Variants in NDEL1 observed in about 807,000 individuals in gnomAD.
The protein encoded by NDEL1 is nudE neurodevelopment protein 1 like 1.
In NDEL1, 9 loss-of-function variants were observed where a neutral mutation model predicts 45.7. The observed-to-expected ratio is 0.20, with a 90% CI of 0.12 to 0.34. NDEL1 has a LOEUF of 0.34. Ranked by LOEUF, NDEL1 falls within the 10% of genes least tolerant of loss-of-function variation. NDEL1 has a pLI of 1.00. For missense variants in NDEL1, 306 were observed against 406.2 expected (o/e 0.75, Z 2.12); for synonymous variants, 133 against 158.6 (o/e 0.84, Z 1.21).
Position 8,460,121 on chromosome 17 carries a change from A to C in NDEL1, c.905A>C (p.Lys302Thr). Residue 302 changes from lysine to threonine, a missense_variant, in exon 8 of 9, where the codon AAG (lysine) becomes ACG (threonine). Coordinates refer to ENST00000334527, the MANE Select transcript of NDEL1 (RefSeq NM_030808.5). ...GGGGTGCTGAATGGCAATGGCACAA[A>C]GTTCTCTCGATCAGGGCATACATCT... ...NCGVLNGNGTKFSRSGHTSFF... is the reference protein window; with the variant it reads ...NCGVLNGNGTTFSRSGHTSFF... 12 of 1,614,172 alleles carry C rather than the reference A, an allele frequency of 7.4e-6. No homozygotes were observed. The highest frequency in any genetic ancestry group is 1.0e-5 in the Non-Finnish European group (12 of 1,180,036).
chr17:8,464,157 A>T (rs1196033467), intron 8 of NDEL1: 1 of 152,122 alleles, frequency 6.6e-6, no homozygotes, highest in Non-Finnish European at 1.5e-5. Context: ...TTTACAACTG[A>T]CCTTAGCACT....
downstream of NDEL1, among the ~76,000 whole-genome samples, chr17:8,472,350 C>G (rs1462716206): frequency 6.6e-6 from 1 of 152,162 alleles, no homozygotes; most frequent in Non-Finnish European, 1.5e-5. Context: ...CCCCTCAAGC[C>G]AGCAGGCTAG....
At chr17:8,455,325 T>C (rs571596592) in intron 7 of NDEL1, among the ~76,000 whole-genome samples, 4 of 152,350 alleles carry the variant, frequency 2.6e-5, no homozygotes, top group Admixed American at 2.6e-4. Context: ...CCTTATTTCC[T>C]TGGCCACCTC....
intron 1 of NDEL1, 109 bp from the exon 2 acceptor site, chr17:8,444,151 T>C (rs544481761): frequency 1.5e-6 from 1 of 676,578 alleles, no homozygotes; most frequent in African/African-American, 1.8e-5. Context: ...GAATCTCTCA[T>C]GTTTTATTCC....
At chr17:8,450,420 C>T (rs967766860) in intron 5 of NDEL1, among the ~76,000 whole-genome samples, 1 of 152,010 alleles carries the variant, frequency 6.6e-6, no homozygotes, top group African/African-American at 2.4e-5. Context: ...TACAAAAATG[C>T]ACTTAGTTGA....
intron 3 of NDEL1, 88 bp from the exon 4 acceptor site, chr17:8,446,666 T>C (rs202004963): frequency 1.3e-5 from 17 of 1,262,160 alleles, no homozygotes; most frequent in Middle Eastern, 2.6e-4. Flanking sequence ...TTCCTTGGGT[T>C]CCCCCCCACC....
At chr17:8,446,679 TTTAAC>T in intron 3 of NDEL1, 70 bp from the exon 4 acceptor site, 1 of 1,508,078 alleles carries the variant, frequency 6.6e-7, no homozygotes, top group Non-Finnish European at 9.0e-7. Flanking sequence ...CCCCCACCCT[TTTAAC>T]TTGAGTTACC....
At chr17:8,435,857 T>C (rs1424729192), upstream of NDEL1, 1 of 445,810 alleles carries the variant, frequency 2.2e-6, no homozygotes, top group Non-Finnish European at 4.5e-6. Context: ...CCCCCGTGCG[T>C]CACAGAATGG....
At chr17:8,445,423 A>G (rs1316022120) in intron 2 of NDEL1, among the ~76,000 whole-genome samples, 2 of 152,190 alleles carry the variant, frequency 1.3e-5, no homozygotes, top group Non-Finnish European at 2.9e-5. Context: ...GTAAAAATGC[A>G]TTTTTCTCGC....
chr17:8,442,702 T>C (rs553928840), intron 1 of NDEL1, among the ~76,000 whole-genome samples: 6 of 151,860 alleles, frequency 4.0e-5, no homozygotes, highest in Non-Finnish European at 8.8e-5. Context: ...TTTTTTTTTT[T>C]TTGCTAAACC....
At chr17:8,458,233 C>T (rs964222180) in intron 7 of NDEL1, among the ~76,000 whole-genome samples, 1 of 151,944 alleles carries the variant, frequency 6.6e-6, no homozygotes, top group African/African-American at 2.4e-5. Context: ...CTGCTCCCAA[C>T]TTTCTTTCCA....
At chr17:8,418,723 CTT>C (rs1455812313) in intron 1 of NDEL1, among the ~76,000 whole-genome samples, 1 of 149,876 alleles carries the variant, frequency 6.7e-6, no homozygotes, top group African/African-American at 2.5e-5. Flanking sequence ...CTCTCTCTCT[CTT>C]TCCTTCCTTC....
chr17:8,448,120 G>T (rs985799846), intron 4 of NDEL1, among the ~76,000 whole-genome samples: 1 of 152,158 alleles, frequency 6.6e-6, no homozygotes, highest in Non-Finnish European at 1.5e-5. Flanking sequence ...GGAAAGTTCC[G>T]GTTTTCCTTT....
chr17:8,465,580 T>C lies in NDEL1; in HGVS notation c.945-1350T>C, dbSNP rs1368762636. ...CTGCATGCCTGTTTGTCTGTGAGGT[T>C]ATCCTCACCCCGTCAGTGTACGAAA... On this transcript the variant is annotated intron_variant, in intron 8 of 8. Coordinates refer to ENST00000334527, the MANE Select transcript of NDEL1 (RefSeq NM_030808.5). This position sits in a 1 kb window ranked among gnomAD's most constrained non-coding sequence, Gnocchi z 4.9. The C allele has an allele frequency of 6.6e-6, 1 of 152,180 alleles. No homozygotes were observed. Among genetic ancestry groups the C allele is most frequent in the Non-Finnish European group, 1.5e-5 (1 of 68,032 alleles). 9.4% of individuals were successfully genotyped at this position (152,180 alleles called of 1,614,324 possible). A position where few individuals can be genotyped will look rare whatever the true frequency, so the allele number is the denominator to read the frequency against.
At chr17:8,428,879 T>G (rs568474120) in intron 1 of NDEL1, among the ~76,000 whole-genome samples, 7 of 151,738 alleles carry the variant, frequency 4.6e-5, no homozygotes, top group Admixed American at 2.0e-4. Context: ...TTCACCGTGT[T>G]AGCCAAGATG....
At chr17:8,428,903 G>A (rs1179619387) in intron 1 of NDEL1, among the ~76,000 whole-genome samples, 1 of 152,048 alleles carries the variant, frequency 6.6e-6, no homozygotes, top group African/African-American at 2.4e-5. Flanking sequence ...TCGATCTCCT[G>A]ACCTTGTGAT....
intron 1 of NDEL1, among the ~76,000 whole-genome samples, chr17:8,442,259 T>C (rs997109250): frequency 3.3e-5 from 5 of 152,210 alleles, no homozygotes; most frequent in South Asian, 2.1e-4. Context: ...TTTTCTAATA[T>C]TGATTTAATA....
At chr17:8,460,288 A>G (rs927458622) in intron 8 of NDEL1, 128 bp downstream of exon 8, 3 of 1,005,956 alleles carry the variant, frequency 3.0e-6, no homozygotes, top group Admixed American at 2.8e-5. Flanking sequence ...TTATCATTCT[A>G]ATCTTAGGTG....
intron 1 of NDEL1, among the ~76,000 whole-genome samples, chr17:8,429,579 G>C (rs1280790955): frequency 6.6e-6 from 1 of 152,148 alleles, no homozygotes; most frequent in Non-Finnish European, 1.5e-5. Context: ...CTAGGCAGCA[G>C]CTGCAGTGTA....
Sources: gnomAD v4.1 joint callset for allele counts (sites outside exome capture counted in the v4.1 genomes callset) on GRCh38, gnomAD v4.1.1 for gene constraint, Gnocchi (gnomAD v3.1) non-coding constraint, MANE v1.5 for transcripts, NCBI Gene and HGNC (gene_info 2026-07-23, HGNC 2026-07-21) for gene names.